SLC9A9: variants seen among roughly 807,000 people sequenced by gnomAD.
SLC9A9 encodes the protein solute carrier family 9 member A9.
A neutral mutation model predicts 77.8 loss-of-function variants in SLC9A9; 62 were observed. The observed-to-expected ratio is 0.80, with a 90% CI of 0.65 to 0.98. SLC9A9 has a LOEUF of 0.98. SLC9A9 is among the 50% of genes least tolerant of loss of function. The pLI, the probability that SLC9A9 is intolerant of heterozygous loss-of-function variation, is 0.00. For synonymous variants in SLC9A9, 320 were observed against 283.5 expected, an observed-to-expected ratio of 1.13 and a Z score of -1.29; for missense variants, 775 against 774.9, an observed-to-expected ratio of 1.00 and a Z score of 0.00.
chr3:143,669,749 T>A (rs993423654), intron 5 of SLC9A9, among the ~76,000 whole-genome samples: 1 of 152,212 alleles, frequency 6.6e-6, no homozygotes, highest in African/African-American at 2.4e-5. Flanking sequence ...ATGAACTTGG[T>A]GATCTTGAGC....
chr3:143,313,159 AAGGT>A (rs1380190749), intron 14 of SLC9A9: 1 of 152,208 alleles, frequency 6.6e-6, no homozygotes, highest in Non-Finnish European at 1.5e-5. Context: ...GGAGTCCTTC[AAGGT>A]AGGTTTGGCT....
At chr3:143,771,523 G>A (rs901196905) in intron 4 of SLC9A9, among the ~76,000 whole-genome samples, 10 of 152,126 alleles carry the variant, frequency 6.6e-5, no homozygotes, top group Admixed American at 6.5e-4. Context: ...GAGAGAAGGT[G>A]CCATGGGAGA....
At chr3:143,619,276 G>A (rs1340695563) in intron 6 of SLC9A9, among the ~76,000 whole-genome samples, 2 of 152,198 alleles carry the variant, frequency 1.3e-5, no homozygotes, top group Admixed American at 6.5e-5. Context: ...CAGTTTTTAA[G>A]AGAACTTGTC....
chr3:143,479,292 G>T (rs530210574), intron 11 of SLC9A9, among the ~76,000 whole-genome samples: 1 of 152,220 alleles, frequency 6.6e-6, no homozygotes, highest in East Asian at 1.9e-4. Flanking sequence ...CTCTTGCCCA[G>T]GCTGGAGTGC....
At chr3:143,762,741 C>G (rs1405421203) in intron 4 of SLC9A9, among the ~76,000 whole-genome samples, 2 of 152,114 alleles carry the variant, frequency 1.3e-5, no homozygotes, top group Non-Finnish European at 2.9e-5. Context: ...TATACTGAGG[C>G]CTGAAGAACA....
intron 11 of SLC9A9, among the ~76,000 whole-genome samples, chr3:143,476,215 A>G (rs986368038): frequency 2.0e-5 from 3 of 152,134 alleles, no homozygotes; most frequent in Non-Finnish European, 4.4e-5. Flanking sequence ...ATTTTATCAC[A>G]TGGAAGTGAA....
intron 12 of SLC9A9, among the ~76,000 whole-genome samples, chr3:143,438,989 T>G (rs2034675566): frequency 6.6e-6 from 1 of 152,246 alleles, no homozygotes; most frequent in Non-Finnish European, 1.5e-5. Flanking sequence ...TTCATTTCTT[T>G]AATTCTTCAG....
Position 143,343,370 on chromosome 3 carries a change from A to T in SLC9A9, c.1604+20114T>A, listed in dbSNP as rs1576437177. 5.3e-5 allele frequency: 8 copies of T among 152,176 alleles called. No homozygotes were observed. The South Asian group carries it at 1.7e-3, about 31-fold the overall frequency. 9.4% of individuals were successfully genotyped at this position (152,176 alleles called of 1,614,324 possible). ...TCTAGGCAAAGCGTGGGAATGGAGG[A>T]TGAGAGATAGTCAATTTTCAGAATA... On this transcript the variant is annotated intron_variant, in intron 14 of 15. Coordinates refer to ENST00000316549, the MANE Select transcript of SLC9A9 (RefSeq NM_173653.4).
chr3:143,833,341 C>A (rs2009486393), intron 1 of SLC9A9, among the ~76,000 whole-genome samples: 1 of 152,146 alleles, frequency 6.6e-6, no homozygotes, highest in South Asian at 2.1e-4. Flanking sequence ...CAGGCCCAGT[C>A]TTACAGGAGC....
chr3:143,278,077 T>A lies in SLC9A9; in HGVS notation c.1605-9097A>T, dbSNP rs1203414402. 3.3e-5 allele frequency among the ~76,000 whole-genome samples: 5 copies of A among 152,128 alleles called. No homozygotes were observed. The East Asian group carries it at 7.7e-4, about 23-fold the overall frequency. ...CTGAGAATGATGGTATCCAGCTTCA[T>A]CCATGTCCGTGCAGAGGACATGAAC... On this transcript the variant is annotated intron_variant, in intron 14 of 15. Transcript: ENST00000316549.
intron 4 of SLC9A9, among the ~76,000 whole-genome samples, chr3:143,752,679 GTT>G (rs77031960): frequency 6.5e-5 from 9 of 138,908 alleles, no homozygotes; most frequent in East Asian, 2.1e-4. Flanking sequence ...ATGTGAAAAG[GTT>G]TTTTTTTTTT....
chr3:143,411,993 C>T lies in SLC9A9; in HGVS notation c.1470-29879G>A, dbSNP rs371553527. 2.4e-4 allele frequency among the ~76,000 whole-genome samples: 36 copies of T among 152,182 alleles called. No individual in the cohort carries two copies. The East Asian group carries it at 6.8e-3, about 29-fold the overall frequency. On this transcript the variant is annotated intron_variant, in intron 12 of 15. Transcript: ENST00000316549. ...TCCTTCCAAACTGGGACCAATACTG[C>T]CTATCGGGGAAGTCCCATTTCAGTC...
intron 9 of SLC9A9, among the ~76,000 whole-genome samples, chr3:143,499,644 G>T (rs1013274735): frequency 2.0e-5 from 3 of 151,942 alleles, no homozygotes; most frequent in African/African-American, 7.2e-5. Context: ...ACACTTGTTA[G>T]GACCTCCAGC....
intron 4 of SLC9A9, among the ~76,000 whole-genome samples, chr3:143,701,573 TAGTG>T (rs1933803193): frequency 6.6e-6 from 1 of 151,842 alleles, no homozygotes; most frequent in Non-Finnish European, 1.5e-5. Context: ...AAGAAAGAAT[TAGTG>T]AGCTCAAAGA....
intron 14 of SLC9A9, among the ~76,000 whole-genome samples, chr3:143,308,342 C>T (rs536129274): frequency 4.6e-5 from 7 of 152,098 alleles, no homozygotes; most frequent in Admixed American, 1.3e-4. Flanking sequence ...TTTGGGAGGC[C>T]GAGGCGGGCG....
At chr3:143,284,403 T>C (rs1419924508) in intron 14 of SLC9A9, among the ~76,000 whole-genome samples, 1 of 148,084 alleles carries the variant, frequency 6.8e-6, no homozygotes, top group East Asian at 2.1e-4. Context: ...TGGCCCTTTC[T>C]ATTTTTTTTT....
intron 2 of SLC9A9, among the ~76,000 whole-genome samples, chr3:143,814,091 T>A (rs1440175374): frequency 6.6e-6 from 1 of 151,984 alleles, no homozygotes; most frequent in Non-Finnish European, 1.5e-5. Context: ...GGTTTGTGGG[T>A]AAAATAGAGG....
intron 12 of SLC9A9, among the ~76,000 whole-genome samples, chr3:143,396,244 A>G (rs1576469785): frequency 6.6e-6 from 1 of 152,348 alleles, no homozygotes; most frequent in East Asian, 1.9e-4. Flanking sequence ...TGTGGCACAT[A>G]TACACCATGG....
intron 4 of SLC9A9, among the ~76,000 whole-genome samples, chr3:143,762,295 C>T (rs1464000647): frequency 1.3e-5 from 2 of 152,112 alleles, no homozygotes; most frequent in African/African-American, 2.4e-5. Flanking sequence ...ACATATGTAA[C>T]AAACCTGCAC....
Sources: gnomAD v4.1 joint callset for allele counts (sites outside exome capture counted in the v4.1 genomes callset) on GRCh38, gnomAD v4.1.1 for gene constraint, MANE v1.5 for transcripts, NCBI Gene and HGNC (gene_info 2026-07-23, HGNC 2026-07-21) for gene names.